CHD1L: variants seen among roughly 807,000 people sequenced by gnomAD.
The protein encoded by CHD1L is chromodomain helicase DNA binding protein 1 like, also known as ATP-dependent chromatin remodeler CHD1L.
In CHD1L, 118 loss-of-function variants were observed where a neutral mutation model predicts 115.9. That is an observed-to-expected ratio of 1.02 (90% CI 0.88 to 1.19). The LOEUF (loss-of-function observed/expected upper bound fraction) is 1.19, where lower values mean the gene tolerates loss of function less well. CHD1L is among the 50% of genes most tolerant of loss of function. The probability of loss-of-function intolerance (pLI) is 0.00; values close to 1 mark genes in which losing one functional copy is unlikely to be tolerated. For missense variants in CHD1L, 1,179 were observed against 1,065.3 expected (o/e 1.11, Z -1.49); for synonymous variants, 411 against 387.1 (o/e 1.06, Z -0.72).
intron 8 of CHD1L, among the ~76,000 whole-genome samples, 156 bp from the exon 9 acceptor site, chr1:147,267,270 A>G (rs1251264513): frequency 6.6e-6 from 1 of 152,236 alleles, no homozygotes; most frequent in Non-Finnish European, 1.5e-5. Flanking sequence ...CATGCTGTTA[A>G]TTCTCAATAC....
chr1:147,196,339 C>T, the CHD1L span, among the ~76,000 whole-genome samples: 1 of 152,046 alleles, frequency 6.6e-6, no homozygotes, highest in Non-Finnish European at 1.5e-5. Context: ...TAAGCTTAAT[C>T]ATAGGTCTCT....
chr1:147,236,977 GGCATTCACAGCACCCAAA>G, the CHD1L span, among the ~76,000 whole-genome samples: 1 of 152,176 alleles, frequency 6.6e-6, no homozygotes, highest in African/African-American at 2.4e-5. Context: ...GCCTCCTGCT[GGCATTCACAGCACCCAAA>G]CTGTTTGTGC....
chr1:147,179,317 T>C, the CHD1L span: 1 of 1,608,330 alleles, frequency 6.2e-7, no homozygotes, highest in Non-Finnish European at 8.5e-7. Context: ...GATTGAATTT[T>C]ATGCCCCTTG....
chr1:147,270,995 G>A lies in CHD1L; in HGVS notation c.1149G>A (p.Met383Ile), dbSNP rs201579599. The change falls in exon 11 of 23, where the codon ATG becomes ATA. Residue 383 changes from methionine to isoleucine, a missense_variant. Coordinates refer to ENST00000369258, the MANE Select transcript of CHD1L (RefSeq NM_004284.6). ...TGTTGGATATTCTCCAAGACTATAT[G>A]GATTACAGAGGTGACACCTTTTGGC... ...TQMLDILQDY[M>I]DYRGYSYERV... The A allele has an allele frequency of 4.9e-4, 783 of 1,613,832 alleles. 5 individuals carry two copies. In the South Asian group the frequency reaches 8.3e-3, roughly 17 times the overall value.
At chr1:147,294,261 TTAC>T (rs3831281) in intron 21 of CHD1L, 145 bp from the exon 22 acceptor site, 99,606 of 477,920 alleles carry the variant, frequency 0.21, 11,560 homozygotes, top group South Asian at 0.26. Flanking sequence ...TTAATTTTTC[TTAC>T]TACAATTCTT....
intron 6 of CHD1L, among the ~76,000 whole-genome samples, chr1:147,263,904 C>G (rs782534798): frequency 1.3e-5 from 2 of 152,050 alleles, no homozygotes; most frequent in Non-Finnish European, 2.9e-5. Context: ...CCAGAAACAT[C>G]CAGAAATCTT....
chr1:147,243,049 A>C (rs1665298861), intron 1 of CHD1L: 8 of 434,904 alleles, frequency 1.8e-5, no homozygotes, highest in East Asian at 4.1e-5. Flanking sequence ...CGCCAGATGA[A>C]TGAGGTCGCG....
At chr1:147,202,420 A>G in the CHD1L span, among the ~76,000 whole-genome samples, 1 of 146,396 alleles carries the variant, frequency 6.8e-6, no homozygotes, top group Non-Finnish European at 1.5e-5. Context: ...CCCAGGTTCA[A>G]GTGATTCTGC....
chr1:147,234,727 G>A, the CHD1L span, among the ~76,000 whole-genome samples: 2 of 152,120 alleles, frequency 1.3e-5, no homozygotes, highest in Non-Finnish European at 2.9e-5. Context: ...CATCAAGATG[G>A]GGAAGGACTA....
Position 147,286,352 on chromosome 1 carries a change from G to T in CHD1L, c.2073G>T (p.Glu691Asp). The change falls in exon 18 of 23, where the codon GAG (glutamate) becomes GAT (aspartate). Residue 691 changes from glutamate to aspartate, a missense_variant. Coordinates refer to ENST00000369258, the MANE Select transcript of CHD1L (RefSeq NM_004284.6). ...NYQSFCLPSEESEPEDLENGE... is the reference protein window; with the variant it reads ...NYQSFCLPSEDSEPEDLENGE... The stretch of plus-strand genomic sequence containing the variant: ...AGTCCTTCTGCCTGCCCTCTGAGGA[G>T]AGCGAGCCAGAGGACCTTGAGAATG... The T allele has an allele frequency of 6.2e-7, 1 of 1,614,162 alleles. No individual in the cohort carries two copies. The highest frequency in any genetic ancestry group is 8.5e-7 in the Non-Finnish European group (1 of 1,180,028).
chr1:147,204,551 C>A, the CHD1L span: 4 of 1,583,480 alleles, frequency 2.5e-6, no homozygotes, highest in Non-Finnish European at 3.5e-6. Context: ...CCTTCTATGA[C>A]CTCTGAAACT....
At chr1:147,267,343 A>G (rs1674330005) in intron 8 of CHD1L, 83 bp from the exon 9 acceptor site, 2 of 915,912 alleles carry the variant, frequency 2.2e-6, no homozygotes, top group Admixed American at 4.4e-5. Context: ...GATTAAGGTT[A>G]CTTGTAAAAA....
the CHD1L span, chr1:147,179,144 G>T: frequency 1.2e-6 from 2 of 1,614,050 alleles, no homozygotes; most frequent in South Asian, 2.2e-5. Context: ...GATTTCTCGC[G>T]TGATGGGAAT....
At chr1:147,203,953 T>C in the CHD1L span, 1 of 1,295,546 alleles carries the variant, frequency 7.7e-7, no homozygotes, top group Non-Finnish European at 1.1e-6. Context: ...TAGCACCAAC[T>C]GTTTTACAGA....
At chr1:147,206,410 T>A in the CHD1L span, among the ~76,000 whole-genome samples, 1 of 152,240 alleles carries the variant, frequency 6.6e-6, no homozygotes, top group Non-Finnish European at 1.5e-5. Context: ...ATCCCATTAC[T>A]GGGTATATAC....
At chr1:147,261,907 C>T (rs4301678) in intron 6 of CHD1L, among the ~76,000 whole-genome samples, 27,152 of 151,618 alleles carry the variant, frequency 0.18, 3,096 homozygotes, top group Middle Eastern at 0.26. Flanking sequence ...AAAAGTTGGA[C>T]GCAACCAGCC....
At chr1:147,259,138 T>G (rs1427480162) in intron 5 of CHD1L, 3 of 152,270 alleles carry the variant, frequency 2.0e-5, no homozygotes, top group Non-Finnish European at 2.9e-5. Flanking sequence ...GAATTTTTCT[T>G]AAATAGCTTC....
upstream of CHD1L, among the ~76,000 whole-genome samples, chr1:147,241,426 C>G (rs1664870556): frequency 6.6e-6 from 1 of 152,098 alleles, no homozygotes; most frequent in Non-Finnish European, 1.5e-5. Flanking sequence ...CAGAACAAAC[C>G]CCCTTTGACT....
At chr1:147,208,782 T>C in the CHD1L span, 1 of 1,307,894 alleles carries the variant, frequency 7.6e-7, no homozygotes, top group African/African-American at 1.5e-5. Context: ...GCTTTACTAT[T>C]AGCCAGTGTG....
Sources: gnomAD v4.1 joint callset for allele counts (sites outside exome capture counted in the v4.1 genomes callset) on GRCh38, gnomAD v4.1.1 for gene constraint, MANE v1.5 for transcripts, NCBI Gene and HGNC (gene_info 2026-07-23, HGNC 2026-07-21) for gene names.